Variants in AIG1 observed in about 807,000 individuals in gnomAD.
The protein encoded by AIG1 is androgen-induced gene 1 protein.
A neutral mutation model predicts 31.4 loss-of-function variants in AIG1; 23 were observed. The observed-to-expected ratio is 0.73, with a 90% CI of 0.53 to 1.04. The LOEUF (loss-of-function observed/expected upper bound fraction) is 1.04. Among genes scored for constraint, AIG1 ranks in the 50% least tolerant of loss-of-function variants. AIG1 has a pLI of 0.00. For missense variants in AIG1, 274 were observed against 295.0 expected (o/e 0.93, Z 0.52); for synonymous variants, 100 against 110.5 (o/e 0.90, Z 0.60).
chr6:143,260,181 G>A (rs1034650718), intron 3 of AIG1, among the ~76,000 whole-genome samples: 9 of 151,918 alleles, frequency 5.9e-5, no homozygotes, highest in Admixed American at 5.9e-4. Flanking sequence ...CCACCACCAC[G>A]CCTGGTTAAT....
intron 1 of AIG1, among the ~76,000 whole-genome samples, chr6:143,090,634 A>G (rs1779219925): frequency 1.3e-5 from 2 of 152,260 alleles, no homozygotes; most frequent in South Asian, 4.1e-4. Flanking sequence ...CAAGTGTGCA[A>G]TGCCATTATG....
chr6:143,198,763 G>A (rs1401377130), intron 3 of AIG1, among the ~76,000 whole-genome samples: 1 of 152,196 alleles, frequency 6.6e-6, no homozygotes, highest in Admixed American at 6.5e-5. Flanking sequence ...CTTTCCAGTT[G>A]AGGGCATGAC....
chr6:143,324,298 C>T (rs1776438977), intron 4 of AIG1, among the ~76,000 whole-genome samples: 1 of 152,224 alleles, frequency 6.6e-6, no homozygotes, highest in Admixed American at 6.5e-5. Flanking sequence ...TTATAAGACA[C>T]TTAGTCTTGC....
At chr6:143,278,305 C>G (rs1319237954) in intron 3 of AIG1, among the ~76,000 whole-genome samples, 4 of 152,126 alleles carry the variant, frequency 2.6e-5, no homozygotes, top group Admixed American at 1.3e-4. Flanking sequence ...GGCTGTATAG[C>G]TCTTGTGTTT....
chr6:143,283,106 A>T (rs1797456587), intron 3 of AIG1, among the ~76,000 whole-genome samples: 1 of 152,188 alleles, frequency 6.6e-6, no homozygotes, highest in South Asian at 2.1e-4. Flanking sequence ...TTATCTTAGA[A>T]ACTCTTTGTT....
At chr6:143,295,220 C>A (rs182650040) in intron 4 of AIG1, among the ~76,000 whole-genome samples, 219 of 152,288 alleles carry the variant, frequency 1.4e-3, no homozygotes, top group African/African-American at 5.1e-3. Context: ...CTTGTAGAAT[C>A]TTTATGCTTT....
At chr6:143,154,704 G>A (rs1785556861) in intron 2 of AIG1, among the ~76,000 whole-genome samples, 3 of 152,148 alleles carry the variant, frequency 2.0e-5, no homozygotes, top group African/African-American at 7.2e-5. Flanking sequence ...TCGTATCAAT[G>A]TTAATTTTCT....
At chr6:143,252,465 A>ACTGGGT (rs760346721) in intron 3 of AIG1, among the ~76,000 whole-genome samples, 8 of 152,168 alleles carry the variant, frequency 5.3e-5, no homozygotes, top group Non-Finnish European at 1.0e-4. Flanking sequence ...AATCCAAAAT[A>ACTGGGT]CTGGGTAATT....
chr6:143,221,980 C>A (rs1220354920), intron 3 of AIG1, among the ~76,000 whole-genome samples: 1 of 152,170 alleles, frequency 6.6e-6, no homozygotes, highest in Non-Finnish European at 1.5e-5. Context: ...GGCAAGAGAT[C>A]TGGGGTCAGG....
intron 4 of AIG1, among the ~76,000 whole-genome samples, chr6:143,303,166 T>G (rs560084406): frequency 0.053 from 7,992 of 151,790 alleles, 654 homozygotes; most frequent in African/African-American, 0.18. Flanking sequence ...TTTCTCCCAT[T>G]TTGTAGGTTG....
chr6:143,251,497 T>C (rs1250557108), intron 3 of AIG1, among the ~76,000 whole-genome samples: 4 of 147,978 alleles, frequency 2.7e-5, no homozygotes, highest in Admixed American at 6.7e-5. Flanking sequence ...GCAAACTAGA[T>C]TGGACTCTTC....
intron 3 of AIG1, among the ~76,000 whole-genome samples, chr6:143,257,386 C>T (rs868766577): frequency 6.6e-6 from 1 of 152,116 alleles, no homozygotes; most frequent in Non-Finnish European, 1.5e-5. Context: ...GGGACCTTCT[C>T]GAACAAATGA....
chr6:143,240,366 A>G (rs771440548), intron 3 of AIG1, among the ~76,000 whole-genome samples: 20 of 152,244 alleles, frequency 1.3e-4, no homozygotes, highest in Non-Finnish European at 2.4e-4. Flanking sequence ...TATAACTTTT[A>G]TATGTTACAT....
At chr6:143,315,275 A>T (rs1187653598) in intron 4 of AIG1, among the ~76,000 whole-genome samples, 1 of 152,124 alleles carries the variant, frequency 6.6e-6, no homozygotes, top group Non-Finnish European at 1.5e-5. Context: ...GTTTAATGTA[A>T]GCCTAACCAA....
intron 3 of AIG1, among the ~76,000 whole-genome samples, chr6:143,213,801 G>A (rs1281414705): frequency 1.3e-5 from 2 of 152,062 alleles, no homozygotes; most frequent in Non-Finnish European, 2.9e-5. Flanking sequence ...ACAGGGGTGA[G>A]CCACTATGCC....
At chr6:143,137,690 C>A (rs1783885913) in intron 2 of AIG1, among the ~76,000 whole-genome samples, 1 of 152,148 alleles carries the variant, frequency 6.6e-6, no homozygotes, top group South Asian at 2.1e-4. Flanking sequence ...ACTCAACTTC[C>A]TTCACAAGTC....
intron 3 of AIG1, among the ~76,000 whole-genome samples, chr6:143,207,410 G>A (rs1357007522): frequency 6.6e-6 from 1 of 151,968 alleles, no homozygotes; most frequent in Admixed American, 6.6e-5. Flanking sequence ...TTCCATAGCA[G>A]CAAGCTAAGA....
chr6:143,226,128 C>T (rs1011883479), intron 3 of AIG1, among the ~76,000 whole-genome samples: 1 of 152,124 alleles, frequency 6.6e-6, no homozygotes, highest in Non-Finnish European at 1.5e-5. Context: ...TCTGTTTCAA[C>T]ATTTATCCAC....
intron 3 of AIG1, among the ~76,000 whole-genome samples, chr6:143,218,153 G>A (rs1045585640): frequency 1.3e-5 from 2 of 152,220 alleles, no homozygotes; most frequent in East Asian, 1.9e-4. Context: ...TATACTGACT[G>A]TTAATATTGT....
Sources: gnomAD v4.1 joint callset for allele counts (sites outside exome capture counted in the v4.1 genomes callset) on GRCh38, gnomAD v4.1.1 for gene constraint, MANE v1.5 for transcripts, NCBI Gene and HGNC (gene_info 2026-07-23, HGNC 2026-07-21) for gene names.